The following EBF1 variants were observed in gnomAD, a reference collection of about 807,000 sequenced individuals.
EBF1 encodes EBF transcription factor 1.
Under a neutral mutation model 68.4 loss-of-function variants are expected in EBF1, and 10 were observed. The observed-to-expected ratio is 0.15, with a 90% CI of 0.09 to 0.25. EBF1 has a LOEUF of 0.25. EBF1 is among the 10% of genes least tolerant of loss of function. The pLI is 1.00. For synonymous variants in EBF1, 298 were observed against 299.8 expected (o/e 0.99, Z 0.06); for missense variants, 509 against 794.4 (o/e 0.64, Z 4.32).
intron 15 of EBF1, among the ~76,000 whole-genome samples, chr5:158,701,413 G>A (rs1756746915): frequency 6.6e-6 from 1 of 151,540 alleles, no homozygotes; most frequent in South Asian, 2.1e-4. Context: ...TAGTGTGTTA[G>A]ATCAACTAGA....
At chr5:158,956,453 G>A (rs989625874) in intron 6 of EBF1, among the ~76,000 whole-genome samples, 7 of 151,300 alleles carry the variant, frequency 4.6e-5, no homozygotes, top group Admixed American at 1.3e-4. Flanking sequence ...TAGAATGCAC[G>A]CACACATAGA....
chr5:158,853,123 G>C (rs763569622), intron 6 of EBF1, among the ~76,000 whole-genome samples: 4 of 152,142 alleles, frequency 2.6e-5, no homozygotes, highest in Non-Finnish European at 4.4e-5. Context: ...ACAGGAGTCT[G>C]AATTGACTGC....
At chr5:158,962,644 G>GAATGAAAGTAAAT (rs1753247330) in intron 6 of EBF1, among the ~76,000 whole-genome samples, 1 of 152,166 alleles carries the variant, frequency 6.6e-6, no homozygotes, top group Admixed American at 6.5e-5. Context: ...GCTTATAAGA[G>GAATGAAAGTAAAT]AATGAAAGTA....
rs151178402 is a variant in EBF1 at position 158,994,788 on chromosome 5, C to T, written c.554+78608G>A. Among the ~76,000 whole-genome samples the T allele has an allele frequency of 2.4e-4, 37 of 152,342 alleles. No homozygotes were observed. The East Asian group carries it at 5.8e-3, about 24-fold the overall frequency. On this transcript the variant is annotated intron_variant, in intron 6 of 15. Coordinates refer to ENST00000313708, the MANE Select transcript of EBF1 (RefSeq NM_024007.5). ...GGCAAAAAACACAGTTTTGCTCAAA[C>T]TAATATGGCAGAAAATTCATGGATG...
Position 158,814,028 on chromosome 5 carries a change from C to G in EBF1, c.778+9148G>C, listed in dbSNP as rs564291358. Among the ~76,000 whole-genome samples, 36 of 152,174 alleles carry G rather than the reference C, an allele frequency of 2.4e-4. No homozygotes were observed. In the South Asian group the frequency reaches 7.5e-3, roughly 32 times the overall value. On this transcript the variant is annotated intron_variant, in intron 8 of 15. Transcript: ENST00000313708. ...AATTGGAATTATGATGCTTTTGTAA[C>G]CAAATATAAGACAAAAAAAATTAGG...
chr5:158,705,609 T>C (rs1757706670), intron 15 of EBF1, among the ~76,000 whole-genome samples: 1 of 152,224 alleles, frequency 6.6e-6, no homozygotes, highest in Non-Finnish European at 1.5e-5. Context: ...TATATCCCTG[T>C]CCTGAAGCCA....
At chr5:158,847,894 T>A (rs940689322) in intron 6 of EBF1, among the ~76,000 whole-genome samples, 5 of 152,210 alleles carry the variant, frequency 3.3e-5, no homozygotes, top group Admixed American at 2.6e-4. Context: ...GGACTTGCAC[T>A]TCTGGATTAC....
rs1199733719 is a variant in EBF1, at chr5:158,699,097, T to A, written c.*14A>T. On this transcript the variant is annotated 3_prime_UTR_variant, in exon 16 of 16. Transcript: ENST00000313708. ...CCAACCTCTTCATTAATACAATTCT[T>A]CAAGGCAATTCTTTCACATAGGAGG... 6.2e-7 allele frequency: 1 copy of A among 1,605,408 alleles called. No homozygotes were observed. Among genetic ancestry groups the A allele is most frequent in the South Asian group, 1.1e-5 (1 of 88,604 alleles).
chr5:158,859,202 T>C (rs1398213974), intron 6 of EBF1, among the ~76,000 whole-genome samples: 3 of 152,204 alleles, frequency 2.0e-5, no homozygotes, highest in Non-Finnish European at 2.9e-5. Flanking sequence ...TAACTCAAAT[T>C]AGAATCACTT....
chr5:158,818,283 AAAAC>A (rs1257325042), intron 8 of EBF1, among the ~76,000 whole-genome samples: 1 of 152,230 alleles, frequency 6.6e-6, no homozygotes, highest in African/African-American at 2.4e-5. Context: ...TAAAAACATG[AAAAC>A]AAACAAACAA....
At chr5:158,917,369 G>A (rs1807433154) in intron 6 of EBF1, among the ~76,000 whole-genome samples, 1 of 152,044 alleles carries the variant, frequency 6.6e-6, no homozygotes, top group South Asian at 2.1e-4. Context: ...AACACTCGGA[G>A]GATTTCTTTG....
At position 158,795,573 on chromosome 5, in the gene EBF1, T is replaced by C. The variant is rs547849964; in HGVS notation, c.909+772A>G. ...AACTTTAGTGAAGTGAAAGAGAGAGTGCTCGGAGCATGCTGGCTAAGAAAC... is the reference window on the plus strand; with the variant it reads ...AACTTTAGTGAAGTGAAAGAGAGAGCGCTCGGAGCATGCTGGCTAAGAAAC... On this transcript the variant is annotated intron_variant, in intron 9 of 15. Coordinates refer to ENST00000313708, the MANE Select transcript of EBF1 (RefSeq NM_024007.5). 9.9e-5 allele frequency among the ~76,000 whole-genome samples: 15 copies of C among 152,082 alleles called. No homozygotes were observed. In the South Asian group the frequency reaches 3.1e-3, roughly 32 times the overall value.
intron 6 of EBF1, among the ~76,000 whole-genome samples, chr5:158,939,084 C>T (rs1373327483): frequency 6.6e-6 from 1 of 152,174 alleles, no homozygotes; most frequent in African/African-American, 2.4e-5. Flanking sequence ...CACACATGTG[C>T]TTTTATGCAT....
chr5:159,021,118 T>C (rs568831852), intron 6 of EBF1, among the ~76,000 whole-genome samples: 10 of 152,336 alleles, frequency 6.6e-5, no homozygotes, highest in Admixed American at 5.9e-4. Context: ...TTTGAATTTA[T>C]TCTCAAATTT....
chr5:158,921,372 A>G (rs571545471), intron 6 of EBF1, among the ~76,000 whole-genome samples: 1 of 152,342 alleles, frequency 6.6e-6, no homozygotes, highest in African/African-American at 2.4e-5. Flanking sequence ...ATTTGGCCTC[A>G]GTTATACAAC....
At chr5:159,071,307 C>T (rs539349841) in intron 6 of EBF1, among the ~76,000 whole-genome samples, 1 of 152,240 alleles carries the variant, frequency 6.6e-6, no homozygotes, top group South Asian at 2.1e-4. Flanking sequence ...TTAAAGTACT[C>T]CTATCTGAAG....
At chr5:158,969,171 G>A (rs989153899) in intron 6 of EBF1, among the ~76,000 whole-genome samples, 4 of 152,014 alleles carry the variant, frequency 2.6e-5, no homozygotes, top group East Asian at 3.9e-4. Context: ...GCATGGTGGT[G>A]TGCACCTGTA....
intron 6 of EBF1, among the ~76,000 whole-genome samples, chr5:158,974,893 G>A (rs1325541636): frequency 2.0e-5 from 3 of 152,136 alleles, no homozygotes; most frequent in Admixed American, 1.3e-4. Flanking sequence ...TCTAACAAAG[G>A]GTCTTCGATG....
At chr5:159,008,273 T>C (rs972360807) in intron 6 of EBF1, among the ~76,000 whole-genome samples, 1 of 152,290 alleles carries the variant, frequency 6.6e-6, no homozygotes, top group African/African-American at 2.4e-5. Context: ...CAGTTGAAGA[T>C]TTATATTCAA....
Sources: gnomAD v4.1 joint callset for allele counts (sites outside exome capture counted in the v4.1 genomes callset) on GRCh38, gnomAD v4.1.1 for gene constraint, MANE v1.5 for transcripts, NCBI Gene and HGNC (gene_info 2026-07-23, HGNC 2026-07-21) for gene names.